PDE10A: variants seen among roughly 807,000 people sequenced by gnomAD.
PDE10A encodes the protein phosphodiesterase 10A.
In PDE10A, 39 loss-of-function variants were observed where a neutral mutation model predicts 97.7. That is an observed-to-expected ratio of 0.40 (90% CI 0.31 to 0.52). The LOEUF (loss-of-function observed/expected upper bound fraction) is 0.52. PDE10A is among the 20% of genes least tolerant of loss of function. The pLI, the probability that PDE10A is intolerant of heterozygous loss-of-function variation, is 0.56. For synonymous variants in PDE10A, 371 were observed against 376.8 expected (o/e 0.98, Z 0.18); for missense variants, 731 against 1,047.8 (o/e 0.70, Z 4.17).
intron 3 of PDE10A, among the ~76,000 whole-genome samples, chr6:165,450,884 C>A (rs182740985): frequency 2.9e-4 from 44 of 152,262 alleles, no homozygotes; most frequent in African/African-American, 1.1e-3. Flanking sequence ...TAGAATTATC[C>A]ATAGACTGCG....
chr6:165,886,232 CCCTGGAGCCCTGCAGA>C (rs1033774107), intron 1 of PDE10A, among the ~76,000 whole-genome samples: 1 of 151,348 alleles, frequency 6.6e-6, no homozygotes, highest in Admixed American at 6.6e-5. Context: ...AGCCCTGGAA[CCCTGGAGCCCTGCAGA>C]CCTGGAGTCC....
At chr6:165,979,084 C>T (rs1163210090) in intron 1 of PDE10A, among the ~76,000 whole-genome samples, 1 of 152,150 alleles carries the variant, frequency 6.6e-6, no homozygotes, top group Admixed American at 6.5e-5. Context: ...AGGACATAAA[C>T]CGGTTTATTA....
At position 165,671,386 on chromosome 6, in the gene PDE10A, G is replaced by A. The variant is rs575342714; in HGVS notation, c.-614-127818C>T. 5.3e-5 allele frequency among the ~76,000 whole-genome samples: 8 copies of A among 152,176 alleles called. No individual in the cohort carries two copies. The highest frequency in any genetic ancestry group is 3.9e-4 in the East Asian group (2 of 5,162). On this transcript the variant is annotated intron_variant, in intron 1 of 19. Coordinates refer to the PDE10A transcript ENST00000366882. This position sits in a 1 kb window ranked among gnomAD's most constrained non-coding sequence, Gnocchi z 4.6. ...AGTGAGCATAACCCCTGAAGAGCCC[G>A]AATTCAGCCCAGGTGCCTCTGCCCA...
intron 1 of PDE10A, among the ~76,000 whole-genome samples, chr6:165,865,105 A>C (rs1473010307): frequency 6.6e-6 from 1 of 152,194 alleles, no homozygotes; most frequent in Non-Finnish European, 1.5e-5. Flanking sequence ...CGCACCTGGC[A>C]TTCCTGCCCC....
At chr6:165,592,599 T>A (rs1420336666) in intron 1 of PDE10A, among the ~76,000 whole-genome samples, 1 of 151,834 alleles carries the variant, frequency 6.6e-6, no homozygotes, top group African/African-American at 2.4e-5. Context: ...TTAAACAAAT[T>A]TACGAGAAAA....
At chr6:165,431,281 A>G in intron 8 of PDE10A, 141 bp downstream of exon 8, 1 of 493,598 alleles carries the variant, frequency 2.0e-6, no homozygotes, top group Non-Finnish European at 3.7e-6. Flanking sequence ...GATTAAGTTA[A>G]AATTTCTAGA....
intron 3 of PDE10A, among the ~76,000 whole-genome samples, chr6:165,452,959 T>C (rs373893848): frequency 7.3e-5 from 11 of 150,938 alleles, no homozygotes; most frequent in African/African-American, 2.7e-4. Context: ...ACTTAAGTGG[T>C]CACAATCAGA....
At chr6:165,521,956 G>A (rs1219099727) in intron 2 of PDE10A, among the ~76,000 whole-genome samples, 2 of 152,132 alleles carry the variant, frequency 1.3e-5, no homozygotes, top group Non-Finnish European at 1.5e-5. Context: ...TTATTTCACT[G>A]AGCATAATTT....
chr6:165,886,873 A>G (rs9365930), intron 1 of PDE10A, among the ~76,000 whole-genome samples: 38,071 of 152,110 alleles, frequency 0.25, 5,620 homozygotes, highest in African/African-American at 0.41. Flanking sequence ...TGGGAAGCAT[A>G]ATGCCATCTT....
chr6:165,926,273 A>G (rs1371932977), intron 1 of PDE10A, among the ~76,000 whole-genome samples: 2 of 152,194 alleles, frequency 1.3e-5, no homozygotes, highest in Non-Finnish European at 2.9e-5. Context: ...AGTTCTAGTA[A>G]GAAGCCATCC....
intron 1 of PDE10A, chr6:165,775,705 CAG>C (rs1422747984): frequency 6.6e-6 from 1 of 152,176 alleles, no homozygotes; most frequent in Non-Finnish European, 1.5e-5. Flanking sequence ...CTCCAATTAA[CAG>C]AAAGGATGAC....
chr6:165,763,297 T>G (rs1318976977), intron 1 of PDE10A, among the ~76,000 whole-genome samples: 1 of 152,182 alleles, frequency 6.6e-6, no homozygotes, highest in East Asian at 1.9e-4. Flanking sequence ...CCCTCCATGA[T>G]GTTCCTTTTA....
At chr6:165,498,369 G>A (rs534649675) in intron 2 of PDE10A, among the ~76,000 whole-genome samples, 13 of 132,212 alleles carry the variant, frequency 9.8e-5, no homozygotes, top group Non-Finnish European at 1.9e-4. Flanking sequence ...GCTGCAGGGA[G>A]TCGTGATCCT....
intron 1 of PDE10A, among the ~76,000 whole-genome samples, chr6:165,921,396 ATCCCTGCCC>A (rs1488067486): frequency 6.6e-6 from 1 of 152,250 alleles, no homozygotes; most frequent in African/African-American, 2.4e-5. Context: ...AATGACAATC[ATCCCTGCCC>A]TTGTGGAACT....
At chr6:165,790,118 C>A (rs192691597) in intron 1 of PDE10A, among the ~76,000 whole-genome samples, 105 of 152,266 alleles carry the variant, frequency 6.9e-4, no homozygotes, top group African/African-American at 2.4e-3. Context: ...GTAATTCTTG[C>A]GTATTTCTAT....
intron 1 of PDE10A, among the ~76,000 whole-genome samples, chr6:165,943,912 G>A (rs1055152296): frequency 1.3e-5 from 2 of 152,146 alleles, no homozygotes; most frequent in Non-Finnish European, 2.9e-5. Context: ...GCCACCAACC[G>A]GCTGCACAGC....
At chr6:165,710,827 G>A (rs527559335) in intron 1 of PDE10A, among the ~76,000 whole-genome samples, 24 of 152,308 alleles carry the variant, frequency 1.6e-4, no homozygotes, top group African/African-American at 5.5e-4. Context: ...CATACAAAGT[G>A]CTTAGAAAAA....
intron 2 of PDE10A, among the ~76,000 whole-genome samples, chr6:165,542,039 G>C (rs553492771): frequency 6.6e-6 from 1 of 152,132 alleles, no homozygotes; most frequent in South Asian, 2.1e-4. Flanking sequence ...TTTATTCATT[G>C]CTATTAGACA....
intron 19 of PDE10A, among the ~76,000 whole-genome samples, chr6:165,341,932 CTT>C (rs1318194426): frequency 4.6e-5 from 7 of 152,176 alleles, no homozygotes; most frequent in African/African-American, 1.7e-4. Flanking sequence ...ACTTGTAACA[CTT>C]GAGCTCACCG....
Sources: allele counts gnomAD v4.1 joint callset (sites outside exome capture counted in the v4.1 genomes callset), GRCh38; gene constraint gnomAD v4.1.1; non-coding constraint Gnocchi (gnomAD v3.1); transcripts MANE v1.5; gene names NCBI Gene and HGNC (gene_info 2026-07-23, HGNC 2026-07-21).